The following CNTN4 variants were observed in gnomAD, a reference collection of about 807,000 sequenced individuals.
CNTN4 encodes the protein contactin-4.
In CNTN4, 77 loss-of-function variants were observed where a neutral mutation model predicts 122.5. That is an observed-to-expected ratio of 0.63 (90% CI 0.52 to 0.76). The LOEUF (loss-of-function observed/expected upper bound fraction) is 0.76, where lower values mean the gene tolerates loss of function less well. Ranked by LOEUF, CNTN4 falls within the 30% of genes least tolerant of loss-of-function variation. The pLI is 0.00. For missense variants in CNTN4, 1,256 were observed against 1,259.1 expected (o/e 1.00, Z 0.04); for synonymous variants, 512 against 447.0 (o/e 1.15, Z -1.83).
At chr3:2,978,370 C>T (rs937463903) in intron 13 of CNTN4, among the ~76,000 whole-genome samples, 1 of 152,168 alleles carries the variant, frequency 6.6e-6, no homozygotes, top group Admixed American at 6.5e-5. Context: ...GGTTCACAGT[C>T]TCAAAGGCCT....
chr3:2,363,425 A>C (rs906555183), intron 3 of CNTN4, among the ~76,000 whole-genome samples: 1 of 152,236 alleles, frequency 6.6e-6, no homozygotes, highest in Non-Finnish European at 1.5e-5. Context: ...ATTGGTAAAC[A>C]TGCTGTTAGA....
Position 2,385,480 on chromosome 3 carries a change from T to TACCATAC in CNTN4, c.-89+46250_-89+46256dup, listed in dbSNP as rs1165977160. ...GTTTCTTAGGACTGCCACAGCAAAGTACCATACACAGGGTGACTTAAAATG... is the reference window on the plus strand; with the variant it reads ...GTTTCTTAGGACTGCCACAGCAAAGTACCATACACCATACACAGGGTGACTTAAAATG... On this transcript the variant is annotated intron_variant, in intron 3 of 24. Transcript: ENST00000418658. This position sits in a 1 kb window ranked among gnomAD's most constrained non-coding sequence, Gnocchi z 4.0. Among the ~76,000 whole-genome samples the TACCATAC allele has an allele frequency of 6.6e-6, 1 of 152,090 alleles. No individual in the cohort carries two copies. The highest frequency in any genetic ancestry group is 6.6e-5 in the Admixed American group (1 of 15,254).
intron 4 of CNTN4, among the ~76,000 whole-genome samples, chr3:2,605,716 C>T (rs2081228650): frequency 6.6e-6 from 1 of 152,098 alleles, no homozygotes; most frequent in Non-Finnish European, 1.5e-5. Flanking sequence ...TATGAGTTTA[C>T]CACAGTAATT....
chr3:2,484,737 G>C (rs73112101), intron 3 of CNTN4, among the ~76,000 whole-genome samples: 23 of 152,342 alleles, frequency 1.5e-4, no homozygotes, highest in African/African-American at 5.5e-4. Context: ...CCTATTGAGA[G>C]GTGACAGCGT....
At chr3:2,664,249 A>G (rs79343935) in intron 4 of CNTN4, among the ~76,000 whole-genome samples, 8,173 of 152,290 alleles carry the variant, frequency 0.054, 273 homozygotes, top group African/African-American at 0.069. Flanking sequence ...ATAGAAATAC[A>G]TACGTCTTCT....
At chr3:2,798,040 G>T (rs1240996142) in intron 6 of CNTN4, among the ~76,000 whole-genome samples, 4 of 141,766 alleles carry the variant, frequency 2.8e-5, no homozygotes, top group African/African-American at 1.0e-4. Flanking sequence ...AATGTGCATT[G>T]TACCCATTAA....
chr3:2,659,189 T>C (rs1341158522), intron 4 of CNTN4, among the ~76,000 whole-genome samples: 1 of 151,104 alleles, frequency 6.6e-6, no homozygotes, highest in African/African-American at 2.4e-5. Flanking sequence ...GCAGGCCAGG[T>C]GGTGGCTCAG....
intron 6 of CNTN4, among the ~76,000 whole-genome samples, chr3:2,752,123 T>C (rs1486356242): frequency 1.3e-5 from 2 of 152,138 alleles, no homozygotes; most frequent in African/African-American, 4.8e-5. Context: ...CCCCTTTCTG[T>C]CCCTCCATGT....
chr3:2,269,655 T>A (rs1288918615), intron 2 of CNTN4, among the ~76,000 whole-genome samples: 1 of 152,128 alleles, frequency 6.6e-6, no homozygotes, highest in Admixed American at 6.6e-5. Context: ...CACCTTTCTT[T>A]GTCAGGGTTC....
intron 13 of CNTN4, among the ~76,000 whole-genome samples, chr3:2,940,050 A>G (rs2094599681): frequency 6.6e-6 from 1 of 152,240 alleles, no homozygotes; most frequent in Admixed American, 6.5e-5. Flanking sequence ...ACGCCAGTTT[A>G]AAGTCCCTGG....
chr3:2,436,569 G>A (rs999830992), intron 3 of CNTN4, among the ~76,000 whole-genome samples: 2 of 151,976 alleles, frequency 1.3e-5, no homozygotes, highest in African/African-American at 4.8e-5. Flanking sequence ...GGCCTTTGGT[G>A]TTGTGGATGT....
intron 8 of CNTN4, among the ~76,000 whole-genome samples, chr3:2,879,719 C>A (rs1417701875): frequency 2.0e-5 from 3 of 151,978 alleles, no homozygotes; most frequent in Non-Finnish European, 4.4e-5. Flanking sequence ...TGTGAATGGG[C>A]ATGAGGGATC....
intron 3 of CNTN4, among the ~76,000 whole-genome samples, chr3:2,567,861 C>T (rs557517916): frequency 6.6e-6 from 1 of 152,218 alleles, no homozygotes; most frequent in South Asian, 2.1e-4. Flanking sequence ...CCTGCCCTAC[C>T]CTACCTCCCA....
At chr3:2,345,553 A>G (rs1387364939) in intron 3 of CNTN4, among the ~76,000 whole-genome samples, 4 of 152,186 alleles carry the variant, frequency 2.6e-5, no homozygotes, top group Admixed American at 1.3e-4. Context: ...TTGTTCTCCC[A>G]ACAACTATTT....
rs746657018 is a variant in CNTN4, at chr3:2,849,986, C to CTTTTTTTTTTTTTTTTTTTTTTTTT, written c.455-16758_455-16757insTTTTTTTTTTTTTTTTTTTTTTTTT. Among the ~76,000 whole-genome samples the CTTTTTTTTTTTTTTTTTTTTTTTTT allele has an allele frequency of 1.4e-5, 2 of 140,698 alleles. 1 individual carries two copies. Among genetic ancestry groups the CTTTTTTTTTTTTTTTTTTTTTTTTT allele is most frequent in the Non-Finnish European group, 3.1e-5 (2 of 65,412 alleles). The allele number at this position is 140,698 out of a possible 152,430, so 92.3% of individuals were successfully genotyped here. ...CCATTTTGGAAAATGTTAGCAATCA[C>CTTTTTTTTTTTTTTTTTTTTTTTTT]TTTTTTTTCTTTTTTTTTTCTGAGA... On this transcript the variant is annotated intron_variant, in intron 7 of 24. Coordinates refer to ENST00000418658, the MANE Select transcript of CNTN4 (RefSeq NM_175607.3).
At chr3:2,707,230 C>G (rs950833349) in intron 4 of CNTN4, among the ~76,000 whole-genome samples, 1 of 151,454 alleles carries the variant, frequency 6.6e-6, no homozygotes, top group African/African-American at 2.4e-5. Flanking sequence ...CACTGGAACC[C>G]AGGAGGTTGA....
intron 2 of CNTN4, among the ~76,000 whole-genome samples, chr3:2,326,328 A>C (rs534253440): frequency 7.2e-5 from 11 of 152,218 alleles, no homozygotes; most frequent in Admixed American, 2.0e-4. Flanking sequence ...TTCAGACTGG[A>C]AATACAGCAT....
chr3:2,232,309 A>G (rs985200852), intron 2 of CNTN4, among the ~76,000 whole-genome samples: 7 of 152,156 alleles, frequency 4.6e-5, no homozygotes, highest in African/African-American at 1.7e-4. Flanking sequence ...AAACATTCAG[A>G]GTAGTTGAAC....
chr3:3,038,146 C>G (rs147622143), intron 18 of CNTN4, among the ~76,000 whole-genome samples: 251 of 152,290 alleles, frequency 1.6e-3, no homozygotes, highest in Non-Finnish European at 3.2e-3. Context: ...GCCACATACC[C>G]CAGTGAGACC....
Sources: gnomAD v4.1 joint callset for allele counts (sites outside exome capture counted in the v4.1 genomes callset) on GRCh38, gnomAD v4.1.1 for gene constraint, Gnocchi (gnomAD v3.1) non-coding constraint, MANE v1.5 for transcripts, NCBI Gene and HGNC (gene_info 2026-07-23, HGNC 2026-07-21) for gene names.